CHL1: variants seen among roughly 807,000 people sequenced by gnomAD.
CHL1 encodes cell adhesion molecule L1 like.
Under a neutral mutation model 141.9 loss-of-function variants are expected in CHL1, and 96 were observed. The observed-to-expected ratio is 0.68, with a 90% CI of 0.57 to 0.80. The LOEUF (loss-of-function observed/expected upper bound fraction) is 0.80, where lower values mean the gene tolerates loss of function less well. Ranked by LOEUF, CHL1 falls within the 30% of genes least tolerant of loss-of-function variation. The probability of loss-of-function intolerance (pLI) is 0.00; values close to 1 mark genes in which losing one functional copy is unlikely to be tolerated. For synonymous variants in CHL1, 613 were observed against 502.2 expected (o/e 1.22, Z -2.95); for missense variants, 1,820 against 1,457.2 (o/e 1.25, Z -4.05).
At position 244,598 on chromosome 3, in the gene CHL1, C is replaced by G. The variant is rs1229524525; in HGVS notation, c.-174-15C>G. On this transcript the variant is annotated splice_polypyrimidine_tract_variant and intron_variant, in intron 1 of 27. Coordinates refer to ENST00000256509, the MANE Select transcript of CHL1 (RefSeq NM_006614.4). ...TAATTGTTTCCAAAATTACAACTTT[C>G]TAATCTATCCCTAGGTGCTGTAAAC... The G allele has an allele frequency of 1.3e-5, 2 of 152,140 alleles. No individual in the cohort carries two copies. The highest frequency in any genetic ancestry group is 6.6e-5 in the Admixed American group (1 of 15,266). 9.4% of individuals were successfully genotyped at this position (152,140 alleles called of 1,614,324 possible). A position where few individuals can be genotyped will look rare whatever the true frequency, so the allele number is the denominator to read the frequency against.
intron 1 of CHL1, among the ~76,000 whole-genome samples, chr3:209,441 A>G (rs1227179054): frequency 6.6e-6 from 1 of 152,238 alleles, no homozygotes; most frequent in Non-Finnish European, 1.5e-5. Context: ...AAAATAAAAA[A>G]TAAATTGACA....
chr3:386,486 A>G (rs1707728186), intron 19 of CHL1, among the ~76,000 whole-genome samples: 1 of 152,176 alleles, frequency 6.6e-6, no homozygotes, highest in Non-Finnish European at 1.5e-5. Context: ...CTACTTGCAA[A>G]ACAGGACAAA....
rs1262533174 is a variant in CHL1, at chr3:222,874, CTG to C, written c.-174-21735_-174-21734del. ...GAATCATATTTTGGGGTGAAATTCT[CTG>C]TGTTTTTTTAGTGCCATCCTTCATT... On this transcript the variant is annotated intron_variant, in intron 1 of 27. Transcript: ENST00000256509. Among the ~76,000 whole-genome samples the C allele has an allele frequency of 4.6e-5, 7 of 152,204 alleles. 1 individual carries two copies. Among genetic ancestry groups the C allele is most frequent in the African/African-American group, 1.7e-4 (7 of 41,528 alleles).
rs144255900 is a variant in CHL1, at chr3:298,060, G to A, written c.-94-21623G>A. 6.8e-3 allele frequency among the ~76,000 whole-genome samples: 1,032 copies of A among 152,234 alleles called. 10 individuals carry two copies. The highest frequency in any genetic ancestry group is 0.023 in the African/African-American group (970 of 41,542). On this transcript the variant is annotated intron_variant, in intron 2 of 27. Transcript: ENST00000256509. ...AAGTGGACTTGTTTCTTCTACCTGA[G>A]TGTATATACAACCAGTCTTTTCACT... is the stretch of plus-strand genomic sequence containing the variant.
chr3:269,979 C>G (rs994292116), intron 2 of CHL1, among the ~76,000 whole-genome samples: 1 of 152,122 alleles, frequency 6.6e-6, no homozygotes, highest in Non-Finnish European at 1.5e-5. Flanking sequence ...GTACCTGAGA[C>G]CTGTGCAGAA....
rs1709689090 is a variant in CHL1, at chr3:408,831, T to C, written c.*3120T>C. 6.6e-6 allele frequency: 1 copy of C among 152,108 alleles called. No homozygotes were observed. The highest frequency in any genetic ancestry group is 2.4e-5 in the African/African-American group (1 of 41,430). 9.4% of individuals were successfully genotyped at this position (152,108 alleles called of 1,614,324 possible). A position where few individuals can be genotyped will look rare whatever the true frequency, so the allele number is the denominator to read the frequency against. ...GAAAAATGTGAATTTGGTGGTTTTA[T>C]TCTATCGGTATAAAGGCATTGATAT... On this transcript the variant is annotated 3_prime_UTR_variant, in exon 28 of 28. Transcript: ENST00000256509.
At chr3:285,307 A>G (rs1574959208) in intron 2 of CHL1, among the ~76,000 whole-genome samples, 1 of 152,340 alleles carries the variant, frequency 6.6e-6, no homozygotes, top group African/African-American at 2.4e-5. Flanking sequence ...GGGCATTTAA[A>G]TGGAATCTGA....
At chr3:244,373 G>T (rs999919368) in intron 1 of CHL1, among the ~76,000 whole-genome samples, 6 of 152,116 alleles carry the variant, frequency 3.9e-5, no homozygotes, top group Admixed American at 6.6e-5. Flanking sequence ...GTGTAATTAC[G>T]TGGCTGCTTT....
At chr3:267,119 C>A (rs1046740697) in intron 2 of CHL1, among the ~76,000 whole-genome samples, 4 of 152,162 alleles carry the variant, frequency 2.6e-5, no homozygotes, top group Non-Finnish European at 5.9e-5. Flanking sequence ...AGGGACCCTA[C>A]GCTCTATTTA....
At chr3:246,406 A>T (rs1384538797) in intron 2 of CHL1, among the ~76,000 whole-genome samples, 2 of 152,076 alleles carry the variant, frequency 1.3e-5, no homozygotes, top group African/African-American at 4.8e-5. Context: ...TGAAATCATT[A>T]TTTAATTCTA....
Position 405,747 on chromosome 3 carries a change from C to A in CHL1, c.*36C>A. 7 of 1,474,780 alleles carry A rather than the reference C, an allele frequency of 4.7e-6. No homozygotes were observed. Among genetic ancestry groups the A allele is most frequent in the Non-Finnish European group, 6.6e-6 (7 of 1,055,098 alleles). 91.4% of individuals were successfully genotyped at this position (1,474,780 alleles called of 1,614,324 possible). Reference sequence around the variant, plus strand: ...TGTAAGCAACGCTACTGGTTCACCCCAACCTTCCATATTTATCTGTTCAAA... The same window carrying A: ...TGTAAGCAACGCTACTGGTTCACCCAAACCTTCCATATTTATCTGTTCAAA... On this transcript the variant is annotated 3_prime_UTR_variant, in exon 28 of 28. Transcript: ENST00000256509.
At chr3:342,138 A>G in intron 7 of CHL1, 56 bp downstream of exon 7, 2 of 1,489,030 alleles carry the variant, frequency 1.3e-6, no homozygotes, top group Non-Finnish European at 1.8e-6. Flanking sequence ...ATGTGTCTGT[A>G]ATTTCCTTCT....
intron 1 of CHL1, among the ~76,000 whole-genome samples, chr3:230,772 C>A (rs1701787372): frequency 6.6e-6 from 1 of 152,006 alleles, no homozygotes; most frequent in Non-Finnish European, 1.5e-5. Flanking sequence ...AGGCAGATTG[C>A]AATAAAACTC....
chr3:272,095 T>C (rs1283884249), intron 2 of CHL1, among the ~76,000 whole-genome samples: 1 of 152,228 alleles, frequency 6.6e-6, no homozygotes, highest in Non-Finnish European at 1.5e-5. Flanking sequence ...ATAGATAATC[T>C]TACCAGTTGC....
chr3:347,941 T>C (rs1244054280), intron 9 of CHL1, among the ~76,000 whole-genome samples: 2 of 152,184 alleles, frequency 1.3e-5, no homozygotes, highest in Non-Finnish European at 2.9e-5. Context: ...TATATAGAGA[T>C]TAAAGAGCCT....
At chr3:247,235 C>G (rs996736182) in intron 2 of CHL1, 1 of 151,752 alleles carries the variant, frequency 6.6e-6, no homozygotes, top group Non-Finnish European at 1.5e-5. Flanking sequence ...GGGCTTGGCT[C>G]CTGTACCCTG....
chr3:333,745 T>C (rs939000609), intron 5 of CHL1, among the ~76,000 whole-genome samples: 10 of 152,322 alleles, frequency 6.6e-5, no homozygotes, highest in Non-Finnish European at 1.3e-4. Context: ...TATATGGTGA[T>C]TGGGTCTGGA....
At chr3:331,502 A>C (rs1044027878) in intron 5 of CHL1, among the ~76,000 whole-genome samples, 1 of 152,118 alleles carries the variant, frequency 6.6e-6, no homozygotes, top group Admixed American at 6.6e-5. Flanking sequence ...TCAGTGTCCC[A>C]AAGTGCTGGG....
intron 5 of CHL1, 92 bp from the exon 6 acceptor site, chr3:340,702 T>A: frequency 1.8e-6 from 2 of 1,087,026 alleles, no homozygotes; most frequent in South Asian, 1.6e-5. Context: ...TTTAAATTGC[T>A]GAATTTTGAA....
Sources: allele counts gnomAD v4.1 joint callset (sites outside exome capture counted in the v4.1 genomes callset), GRCh38; gene constraint gnomAD v4.1.1; transcripts MANE v1.5; gene names NCBI Gene and HGNC (gene_info 2026-07-23, HGNC 2026-07-21).